FBXL13: variants seen among roughly 807,000 people sequenced by gnomAD.
FBXL13 encodes F-box and leucine-rich repeat protein 13.
In FBXL13, 67 loss-of-function variants were observed where a neutral mutation model predicts 83.6. That is an observed-to-expected ratio of 0.80 (90% CI 0.66 to 0.98). The LOEUF is 0.98. Among genes scored for constraint, FBXL13 ranks in the 50% least tolerant of loss-of-function variants. FBXL13 has a pLI of 0.00. For synonymous variants in FBXL13, 272 were observed against 299.5 expected (o/e 0.91, Z 0.95); for missense variants, 822 against 866.5 (o/e 0.95, Z 0.64).
At chr7:103,019,508 C>T (rs1353844905) in intron 6 of FBXL13, among the ~76,000 whole-genome samples, 1 of 152,068 alleles carries the variant, frequency 6.6e-6, no homozygotes, top group East Asian at 1.9e-4. Flanking sequence ...ACACAAAAAT[C>T]CCTTCAAAAA....
rs534973775 is a variant in FBXL13, at chr7:102,830,212, GCAAA to G, written c.1854+2624_1854+2627del. 6.4e-4 allele frequency among the ~76,000 whole-genome samples: 97 copies of G among 152,168 alleles called. 4 individuals are homozygous for G. In the South Asian group the frequency reaches 0.014, roughly 22 times the overall value. On this transcript the variant is annotated intron_variant, in intron 18 of 19. Coordinates refer to ENST00000313221, the Ensembl canonical transcript of FBXL13. ...TCATAACAAAAAACAAAAAACCAAA[GCAAA>G]CAAACAAACAAACAAAATCCTCTGC...
intron 10 of FBXL13, among the ~76,000 whole-genome samples, chr7:102,914,063 C>T (rs1402468666): frequency 6.6e-6 from 1 of 152,128 alleles, no homozygotes; most frequent in African/African-American, 2.4e-5. Flanking sequence ...CCCTCCAAAG[C>T]CTGGAACTTT....
At chr7:103,004,511 G>T (rs762277724) in intron 6 of FBXL13, among the ~76,000 whole-genome samples, 1 of 152,112 alleles carries the variant, frequency 6.6e-6, no homozygotes, top group Non-Finnish European at 1.5e-5. Context: ...CAAGGGCTGG[G>T]GTTGCTCTTT....
intron 6 of FBXL13, among the ~76,000 whole-genome samples, chr7:102,993,986 C>T (rs1829839612): frequency 6.6e-6 from 1 of 152,184 alleles, no homozygotes; most frequent in African/African-American, 2.4e-5. Context: ...AGACCAAATT[C>T]ACATCACATT....
chr7:102,927,433 A>G (rs1251935217), intron 9 of FBXL13, among the ~76,000 whole-genome samples: 1 of 152,218 alleles, frequency 6.6e-6, no homozygotes, highest in Non-Finnish European at 1.5e-5. Flanking sequence ...TAACACCACT[A>G]AAGATAGTAA....
intron 2 of FBXL13, among the ~76,000 whole-genome samples, chr7:103,038,990 A>C (rs1003003742): frequency 6.6e-6 from 1 of 152,236 alleles, no homozygotes; most frequent in African/African-American, 2.4e-5. Flanking sequence ...TGACAGAAGT[A>C]GGCTTCAGAA....
chr7:102,922,232 T>C (rs1380657228), intron 10 of FBXL13, among the ~76,000 whole-genome samples: 6 of 151,572 alleles, frequency 4.0e-5, no homozygotes, highest in Admixed American at 3.9e-4. Flanking sequence ...TAAACATTAC[T>C]GAGTGAAAGA....
chr7:102,836,062 G>C (rs1801927366), intron 17 of FBXL13, among the ~76,000 whole-genome samples: 1 of 152,178 alleles, frequency 6.6e-6, no homozygotes, highest in Non-Finnish European at 1.5e-5. Context: ...GAGATTCAAG[G>C]CTCTTCGTGT....
chr7:103,060,061 T>TATATAC (rs1563286669), intron 1 of FBXL13, among the ~76,000 whole-genome samples: 5 of 119,134 alleles, frequency 4.2e-5, no homozygotes, highest in Non-Finnish European at 7.0e-5. Context: ...TATATATATA[T>TATATAC]ATACTTTTTT....
At chr7:102,890,807 G>A (rs1218808717) in intron 11 of FBXL13, among the ~76,000 whole-genome samples, 1 of 152,182 alleles carries the variant, frequency 6.6e-6, no homozygotes. Context: ...TGCAGAGCCA[G>A]ACCCTCTAAG....
intron 6 of FBXL13, among the ~76,000 whole-genome samples, chr7:103,018,787 A>G (rs898604351): frequency 6.6e-6 from 1 of 152,208 alleles, no homozygotes; most frequent in South Asian, 2.1e-4. Context: ...TATACTAAAT[A>G]TGTATGCATC....
At chr7:102,917,551 T>A (rs1192068006) in intron 10 of FBXL13, among the ~76,000 whole-genome samples, 3 of 152,136 alleles carry the variant, frequency 2.0e-5, no homozygotes, top group African/African-American at 7.2e-5. Flanking sequence ...AGATTAGCCA[T>A]GAGAAGGAGA....
chr7:102,917,450 C>A (rs1816128517), intron 10 of FBXL13, among the ~76,000 whole-genome samples: 1 of 152,094 alleles, frequency 6.6e-6, no homozygotes, highest in Non-Finnish European at 1.5e-5. Context: ...ACATGGTGAA[C>A]AAGTGAAAGA....
chr7:103,072,512 T>G (rs1285633359), intron 1 of FBXL13, among the ~76,000 whole-genome samples: 2 of 152,188 alleles, frequency 1.3e-5, no homozygotes, highest in Non-Finnish European at 2.9e-5. Flanking sequence ...ACTGCCTCAT[T>G]GCAGCTTTGT....
intron 16 of FBXL13, among the ~76,000 whole-genome samples, chr7:102,871,922 GC>G (rs1304163000): frequency 6.6e-6 from 1 of 151,260 alleles, no homozygotes; most frequent in Non-Finnish European, 1.5e-5. Context: ...TTCCCTCCCT[GC>G]CCCCAGTCCT....
At chr7:102,874,905 A>T (rs73192017) in intron 16 of FBXL13, among the ~76,000 whole-genome samples, 2,615 of 152,310 alleles carry the variant, frequency 0.017, 36 homozygotes, top group Non-Finnish European at 0.027. Context: ...TGTAGATAAA[A>T]TTTTAATATA....
intron 16 of FBXL13, among the ~76,000 whole-genome samples, chr7:102,863,262 T>C (rs1405274158): frequency 6.6e-6 from 1 of 152,178 alleles, no homozygotes; most frequent in Non-Finnish European, 1.5e-5. Context: ...CCAATTTCTC[T>C]ATATGGGAAA....
chr7:103,023,450 A>G (rs1030252604), intron 6 of FBXL13, among the ~76,000 whole-genome samples: 1 of 152,202 alleles, frequency 6.6e-6, no homozygotes, highest in Admixed American at 6.5e-5. Flanking sequence ...TAGAATGGCT[A>G]TTATTAAAAA....
chr7:102,953,164 A>G (rs146988667), intron 8 of FBXL13, among the ~76,000 whole-genome samples: 140 of 152,352 alleles, frequency 9.2e-4, no homozygotes, highest in African/African-American at 3.1e-3. Flanking sequence ...GATGAAGCCA[A>G]TATTATCCTG....
Sources: allele counts gnomAD v4.1 joint callset (sites outside exome capture counted in the v4.1 genomes callset), GRCh38; gene constraint gnomAD v4.1.1; transcripts MANE v1.5; gene names NCBI Gene and HGNC (gene_info 2026-07-23, HGNC 2026-07-21).